Variants in SHARPIN observed in about 807,000 individuals in gnomAD.
SHARPIN encodes hSIPL1.
A neutral mutation model predicts 40.3 loss-of-function variants in SHARPIN; 25 were observed. That is an observed-to-expected ratio of 0.62 (90% confidence interval 0.45 to 0.87). The LOEUF (loss-of-function observed/expected upper bound fraction) is 0.87. SHARPIN is among the 40% of genes least tolerant of loss of function. SHARPIN has a pLI of 0.00. For missense variants in SHARPIN, 551 were observed against 516.1 expected (o/e 1.07, Z -0.66); for synonymous variants, 274 against 221.8 (o/e 1.24, Z -2.09).
At chr8:144,102,976 A>G in intron 2 of SHARPIN, 75 bp downstream of exon 2, 1 of 1,581,246 alleles carries the variant, frequency 6.3e-7, no homozygotes. Context: ...GGGAAGGTGG[A>G]TCCAACTTCC....
chr8:144,099,900 A>G, intron 3 of SHARPIN, 29 bp downstream of exon 3: 3 of 1,170,500 alleles, frequency 2.6e-6, no homozygotes, highest in Non-Finnish European at 3.6e-6. Flanking sequence ...CTATCCCCGA[A>G]CCCCCCAACC....
rs372912217 is a variant in SHARPIN, at chr8:144,099,433, G to A, written c.769-3C>T. ...GGGAAACCGAGCTCTGAGAACACCT[G>A]TGGCCAGAGCATCAGGGCAGGTGAT... On this transcript the variant is annotated splice_polypyrimidine_tract_variant and splice_region_variant and intron_variant, in intron 5 of 8. Transcript: ENST00000398712. The A allele has an allele frequency of 6.5e-5, 105 of 1,610,942 alleles. 2 individuals are homozygous for A. In the South Asian group the frequency reaches 1.1e-3, roughly 17 times the overall value.
chr8:144,099,042 A>G lies in SHARPIN; in HGVS notation c.1047+39T>C, dbSNP rs1024857780. On this transcript the variant is annotated intron_variant, in intron 7 of 8. Coordinates refer to ENST00000398712, the MANE Select transcript of SHARPIN (RefSeq NM_030974.4). ...TGCTTCCCTGCTCTTTCCAATGCCCATGGCTGTCCTGGCCCTCCCTGCCCA... is the reference window on the plus strand; with the variant it reads ...TGCTTCCCTGCTCTTTCCAATGCCCGTGGCTGTCCTGGCCCTCCCTGCCCA... 5.0e-6 allele frequency: 8 copies of G among 1,585,356 alleles called. No individual in the cohort carries two copies. The African/African-American group carries it at 1.1e-4, about 22-fold the overall frequency.
chr8:144,100,666 C>T (rs926505146), intron 2 of SHARPIN: 5 of 153,836 alleles, frequency 3.3e-5, no homozygotes, highest in Non-Finnish European at 5.8e-5. Flanking sequence ...GGGCCTTCCA[C>T]GCACCCAGCG....
At position 144,099,513 on chromosome 8, in the gene SHARPIN, C is replaced by T. The variant is rs762829612; in HGVS notation, c.765G>A (p.Glu255=). The T allele has an allele frequency of 1.9e-6, 3 of 1,613,546 alleles. No individual in the cohort carries two copies. The Admixed American group carries it at 5.0e-5, about 27-fold the overall frequency. Residue 255 remains glutamate, a synonymous_variant, in exon 5 of 9, where the codon GAG becomes GAA. Coordinates refer to ENST00000398712, the MANE Select transcript of SHARPIN (RefSeq NM_030974.4). ...GCTCCCCAGACCCTGTGCCCACCTG[C>T]TCCTGGAGAGCTGCAACAGTGCAGT... ...HPHCTVAALQ[E]QVFSELGFPP...
chr8:144,102,960 G>T lies in SHARPIN; in HGVS notation c.376+91C>A, dbSNP rs1032623770. On this transcript the variant is annotated intron_variant, in intron 2 of 8. Coordinates refer to ENST00000398712, the MANE Select transcript of SHARPIN (RefSeq NM_030974.4). ...TCCTGGAAGCCTTCCCAGACATCCA[G>T]CAGTGGGGAAGGTGGATCCAACTTC... The T allele has an allele frequency of 4.0e-6, 6 of 1,492,768 alleles. No homozygotes were observed. In the African/African-American group the frequency reaches 4.1e-5, roughly 10 times the overall value. 92.5% of individuals were successfully genotyped at this position (1,492,768 alleles called of 1,614,324 possible). A position where few individuals can be genotyped will look rare whatever the true frequency, so the allele number is the denominator to read the frequency against.
In SHARPIN at chr8:144,099,766, G is replaced by A; in HGVS notation, c.596C>T (p.Ala199Val). The change falls in exon 4 of 9, where the codon GCC becomes GTC. Residue 199 changes from alanine (A) to valine (V), a missense_variant. Physicochemically the swap from Ala to Val is moderately conservative, Grantham distance 64. Coordinates refer to ENST00000398712, the MANE Select transcript of SHARPIN (RefSeq NM_030974.4). ...AACACTCAGGGCCACACGATGCTGGGCCAGGACGGCTGCCACTTGGGCTGC... is the reference window on the plus strand; with the variant it reads ...AACACTCAGGGCCACACGATGCTGGACCAGGACGGCTGCCACTTGGGCTGC... ...KGAAQVAAVL[A>V]QHRVALSVQL... The A allele has an allele frequency of 1.9e-6, 3 of 1,613,054 alleles. No homozygotes were observed. Among genetic ancestry groups the A allele is most frequent in the South Asian group, 1.1e-5 (1 of 91,088 alleles).
At position 144,099,774 on chromosome 8, in the gene SHARPIN, G is replaced by A. The variant is rs780307845; in HGVS notation, c.588C>T (p.Ala196=). Residue 196 remains alanine, a synonymous_variant, in exon 4 of 9, where the codon GCC becomes GCT. Coordinates refer to ENST00000398712, the MANE Select transcript of SHARPIN (RefSeq NM_030974.4). ...GDEKGAAQVA[A]VLAQHRVALS... is the part of the protein sequence containing the mutation. ...GGGCCACACGATGCTGGGCCAGGAC[G>A]GCTGCCACTTGGGCTGCCCCCTTCT... The A allele has an allele frequency of 5.9e-5, 95 of 1,612,882 alleles. No homozygotes were observed. The highest frequency in any genetic ancestry group is 6.4e-5 in the Non-Finnish European group (75 of 1,179,984).
At position 144,103,654 on chromosome 8, in the gene SHARPIN, C is replaced by T; in HGVS notation, c.100G>A (p.Gly34Arg). The part of the protein sequence containing the change: ...VHAAVRPLGA[G>R]PDAEAQLRRL... The stretch of plus-strand genomic sequence containing the variant: ...CGCAGCTGTGCCTCGGCGTCTGGCC[C>T]GGCGCCCAGCGGCCTCACCGCGGCG... Residue 34 changes from glycine (G) to arginine (R), a missense_variant, in exon 1 of 9, where the codon GGG becomes AGG. Transcript: ENST00000398712. The T allele has an allele frequency of 6.6e-7, 1 of 1,522,760 alleles. No homozygotes were observed. Among genetic ancestry groups the T allele is most frequent in the Non-Finnish European group, 8.8e-7 (1 of 1,141,994 alleles). The allele number at this position is 1,522,760 out of a possible 1,614,324, so 94.3% of individuals were successfully genotyped here.
At position 144,099,762 on chromosome 8, in the gene SHARPIN, C is replaced by T; in HGVS notation, c.600G>A (p.Gln200=). ...GCTGAACACTCAGGGCCACACGATG[C>T]TGGGCCAGGACGGCTGCCACTTGGG... ...GAAQVAAVLA[Q]HRVALSVQLQ... is the part of the protein sequence containing the mutation. The change falls in exon 4 of 9, where the codon CAG becomes CAA. Residue 200 remains glutamine (Q), a synonymous_variant. Transcript: ENST00000398712. 6.2e-7 allele frequency: 1 copy of T among 1,613,172 alleles called. No homozygotes were observed.
Position 144,099,067 on chromosome 8 carries a change from A to T in SHARPIN, c.1047+14T>A. ...ATGGCTGTCCTGGCCCTCCCTGCCC[A>T]GTCCCGTGCCCACCTGGAGTGGACT... On this transcript the variant is annotated intron_variant, in intron 7 of 8. Coordinates refer to ENST00000398712, the MANE Select transcript of SHARPIN (RefSeq NM_030974.4). 6.4e-7 allele frequency: 1 copy of T among 1,571,546 alleles called. No homozygotes were observed.
intron 3 of SHARPIN, 36 bp downstream of exon 3, chr8:144,099,893 T>TGGCCCCCCCCCCCCCCCCCCCCCCCCCCC: frequency 1.3e-6 from 2 of 1,550,976 alleles, no homozygotes; most frequent in Non-Finnish European, 8.8e-7. Context: ...CTATCTGCTA[T>TGGCCCCCCCCCCCCCCCCCCCCCCCCCCC]CCCCGAACCC....
At chr8:144,102,094 G>C (rs1350959460) in intron 2 of SHARPIN, among the ~76,000 whole-genome samples, 1 of 152,134 alleles carries the variant, frequency 6.6e-6, no homozygotes, top group Non-Finnish European at 1.5e-5. Context: ...ATGTGAGCCA[G>C]GGGCAGTGGC....
At position 144,103,193 on chromosome 8, in the gene SHARPIN, G is replaced by A. The variant is rs747573095; in HGVS notation, c.234C>T (p.Ser78=). The A allele has an allele frequency of 1.4e-5, 22 of 1,612,552 alleles. No individual in the cohort carries two copies. Among genetic ancestry groups the A allele is most frequent in the African/African-American group, 4.0e-5 (3 of 74,888 alleles). The change falls in exon 2 of 9, where the codon TCC becomes TCT. Residue 78 remains serine (S), a synonymous_variant. Transcript: ENST00000398712. ...GCTGGGTGGGGCCTCGGATGGTGTAGGAAACTGACTCCAGGGGCCACTCCA... is the reference window on the plus strand; with the variant it reads ...GCTGGGTGGGGCCTCGGATGGTGTAAGAAACTGACTCCAGGGGCCACTCCA... ...VNLEWPLESV[S]YTIRGPTQHE...
rs775537225 is a variant in SHARPIN at position 144,100,002 on chromosome 8, C to T, written c.444G>A (p.Pro148=). 4.1e-5 allele frequency: 66 copies of T among 1,608,136 alleles called. No individual in the cohort carries two copies. Among genetic ancestry groups the T allele is most frequent in the Middle Eastern group, 1.7e-4 (1 of 6,048 alleles). Residue 148 remains proline, a synonymous_variant, in exon 3 of 9, where the codon CCG becomes CCA. Transcript: ENST00000398712. ...GAGGGCCCTTGAGTGTGGAGGCTTC[C>T]GGGGGACTGGGCAGGGAGACAGGGC... The part of the protein sequence containing the change: ...EACPVSLPSP[P]EASTLKGPPP...
chr8:144,099,335 A>C lies in SHARPIN; in HGVS notation c.864T>G (p.Val288=), dbSNP rs895984307. 5.0e-6 allele frequency: 8 copies of C among 1,614,000 alleles called. No individual in the cohort carries two copies. The African/African-American group carries it at 1.1e-4, about 22-fold the overall frequency. ...GGAAAGCAGGGTCCCCATCCTGCCG[A>C]ACCCCGTAAGAGGCAAGGCTGCGCT... is the stretch of plus-strand genomic sequence containing the variant. The part of the protein sequence containing the change: ...VPERSLASYG[V]RQDGDPAFLY... Residue 288 remains valine (V), a synonymous_variant, in exon 6 of 9, where the codon GTT becomes GTG. Coordinates refer to ENST00000398712, the MANE Select transcript of SHARPIN (RefSeq NM_030974.4).
At chr8:144,100,114 G>C in intron 2 of SHARPIN, 45 bp from the exon 3 acceptor site, 1 of 1,516,648 alleles carries the variant, frequency 6.6e-7, no homozygotes, top group East Asian at 2.3e-5. Context: ...CTCTGTCCAG[G>C]CCTCTAGGCC....
Position 144,098,741 on chromosome 8 carries a change from C to G in SHARPIN, c.*60G>C. 1.6e-6 allele frequency: 1 copy of G among 628,456 alleles called. No homozygotes were observed. 38.9% of individuals were successfully genotyped at this position (628,456 alleles called of 1,614,324 possible). On this transcript the variant is annotated 3_prime_UTR_variant, in exon 9 of 9. Transcript: ENST00000398712. ...AGAGGTCCCCGGAGTTCAGTGGGGG[C>G]CTGGAGATGTCGGACTTGTGAGGGA...
At chr8:144,102,446 G>C (rs1221072567) in intron 2 of SHARPIN, among the ~76,000 whole-genome samples, 1 of 151,996 alleles carries the variant, frequency 6.6e-6, no homozygotes, top group Admixed American at 6.6e-5. Flanking sequence ...GCTAATTTTT[G>C]TATTTTTAGT....
Sources: gnomAD v4.1 joint callset for allele counts (sites outside exome capture counted in the v4.1 genomes callset) on GRCh38, gnomAD v4.1.1 for gene constraint, MANE v1.5 for transcripts, NCBI Gene and HGNC (gene_info 2026-07-23, HGNC 2026-07-21) for gene names.